ITFG1: variants seen among roughly 807,000 people sequenced by gnomAD.
ITFG1 encodes integrin alpha FG-GAP repeat containing 1, also known as T-cell immunomodulatory protein.
A neutral mutation model predicts 81.8 loss-of-function variants in ITFG1; 34 were observed. The observed-to-expected ratio is 0.42, with a 90% CI of 0.32 to 0.55. The LOEUF (loss-of-function observed/expected upper bound fraction) is 0.55, where lower values mean the gene tolerates loss of function less well. Ranked by LOEUF, ITFG1 falls within the 20% of genes least tolerant of loss-of-function variation. The probability of loss-of-function intolerance (pLI) is 0.17; values close to 1 mark genes in which losing one functional copy is unlikely to be tolerated. For missense variants in ITFG1, 672 were observed against 755.4 expected (o/e 0.89, Z 1.29); for synonymous variants, 285 against 270.6 (o/e 1.05, Z -0.52).
At chr16:47,188,783 A>T (rs1026777633) in intron 14 of ITFG1, among the ~76,000 whole-genome samples, 2 of 151,816 alleles carry the variant, frequency 1.3e-5, no homozygotes, top group Non-Finnish European at 2.9e-5. Flanking sequence ...GAAAAAAAAA[A>T]TACAAAAAAA....
intron 7 of ITFG1, among the ~76,000 whole-genome samples, chr16:47,367,574 T>G (rs765928522): frequency 5.3e-5 from 8 of 152,204 alleles, no homozygotes; most frequent in Non-Finnish European, 8.8e-5. Flanking sequence ...AAATTTGTAT[T>G]TCATATTATC....
At chr16:47,307,806 T>G (rs1967193968) in intron 10 of ITFG1, among the ~76,000 whole-genome samples, 1 of 152,128 alleles carries the variant, frequency 6.6e-6, no homozygotes, top group Non-Finnish European at 1.5e-5. Flanking sequence ...CTCTCTTCCC[T>G]CTCTAGTAGT....
At chr16:47,441,261 C>T (rs1246469572) in intron 5 of ITFG1, among the ~76,000 whole-genome samples, 3 of 152,188 alleles carry the variant, frequency 2.0e-5, no homozygotes, top group African/African-American at 7.2e-5. Flanking sequence ...CAAGGAGGAG[C>T]TGGTAACATT....
intron 12 of ITFG1, among the ~76,000 whole-genome samples, chr16:47,252,000 T>C (rs1966082164): frequency 6.6e-6 from 1 of 152,208 alleles, no homozygotes; most frequent in Non-Finnish European, 1.5e-5. Flanking sequence ...TATAAAATTC[T>C]GTAATAGCGA....
intron 8 of ITFG1, among the ~76,000 whole-genome samples, chr16:47,351,961 G>A (rs1239022065): frequency 2.6e-5 from 4 of 152,126 alleles, no homozygotes; most frequent in Non-Finnish European, 5.9e-5. Flanking sequence ...AATGGGGAAA[G>A]GATTCCGTAT....
At chr16:47,350,100 C>A (rs1379907411) in intron 8 of ITFG1, among the ~76,000 whole-genome samples, 1 of 152,104 alleles carries the variant, frequency 6.6e-6, no homozygotes, top group Non-Finnish European at 1.5e-5. Context: ...TAAATGCCCA[C>A]AAGAGAAAGA....
chr16:47,193,452 C>T (rs1965317329), intron 14 of ITFG1, among the ~76,000 whole-genome samples: 1 of 152,010 alleles, frequency 6.6e-6, no homozygotes, highest in Non-Finnish European at 1.5e-5. Context: ...TAAAATATAG[C>T]ACTTTGGGAG....
chr16:47,436,769 T>C (rs1335957864), intron 5 of ITFG1, among the ~76,000 whole-genome samples: 1 of 152,212 alleles, frequency 6.6e-6, no homozygotes, highest in Non-Finnish European at 1.5e-5. Context: ...TTAGGTCTTC[T>C]TCCTTTAAGC....
chr16:47,291,525 C>A (rs1311094467), intron 10 of ITFG1, among the ~76,000 whole-genome samples: 1 of 152,096 alleles, frequency 6.6e-6, no homozygotes, highest in African/African-American at 2.4e-5. Context: ...TTTCATTAAC[C>A]AGATTTTCTA....
At chr16:47,177,080 C>A (rs1425460798) in intron 14 of ITFG1, among the ~76,000 whole-genome samples, 1 of 151,964 alleles carries the variant, frequency 6.6e-6, no homozygotes, top group Non-Finnish European at 1.5e-5. Context: ...TGGCCTCATC[C>A]TCCAGAGTAG....
intron 10 of ITFG1, among the ~76,000 whole-genome samples, chr16:47,265,033 T>G (rs1388449377): frequency 6.6e-6 from 1 of 152,088 alleles, no homozygotes; most frequent in Non-Finnish European, 1.5e-5. Context: ...TTCTAAGGAT[T>G]GAATGAGAAA....
chr16:47,293,040 T>C (rs1966928696), intron 10 of ITFG1, among the ~76,000 whole-genome samples: 1 of 148,730 alleles, frequency 6.7e-6, no homozygotes, highest in Non-Finnish European at 1.5e-5. Context: ...ATATATATGA[T>C]ATATATATCA....
intron 5 of ITFG1, among the ~76,000 whole-genome samples, chr16:47,431,565 G>C (rs1596979750): frequency 6.6e-6 from 1 of 152,254 alleles, no homozygotes; most frequent in East Asian, 1.9e-4. Flanking sequence ...GTGGGTACAG[G>C]GTTCCCTTTG....
chr16:47,419,616 T>C (rs1257707102), intron 6 of ITFG1, among the ~76,000 whole-genome samples: 3 of 143,990 alleles, frequency 2.1e-5, no homozygotes, highest in Non-Finnish European at 4.5e-5. Context: ...TTTTTTTTTT[T>C]TTTTTTTTGA....
chr16:47,242,517 A>AAATCAATT (rs1965946572), intron 12 of ITFG1, among the ~76,000 whole-genome samples: 1 of 152,190 alleles, frequency 6.6e-6, no homozygotes, highest in Admixed American at 6.6e-5. Flanking sequence ...ATTAGAAAAT[A>AAATCAATT]AGAAAGGACA....
chr16:47,299,953 G>A (rs1233099972), intron 10 of ITFG1: 1 of 152,280 alleles, frequency 6.6e-6, no homozygotes, highest in East Asian at 1.9e-4. Context: ...TAAAAGGTAG[G>A]ATAAAGAGTG....
At chr16:47,227,820 T>A (rs1275673634) in intron 13 of ITFG1, among the ~76,000 whole-genome samples, 8 of 152,202 alleles carry the variant, frequency 5.3e-5, no homozygotes, top group Admixed American at 5.2e-4. Context: ...TTCATGATTC[T>A]AAAATATTAG....
chr16:47,160,068 G>A (rs1810607864), intron 16 of ITFG1, among the ~76,000 whole-genome samples: 1 of 151,206 alleles, frequency 6.6e-6, no homozygotes, highest in South Asian at 2.1e-4. Context: ...CTGTTAATTA[G>A]TTGAAAGCTA....
intron 14 of ITFG1, among the ~76,000 whole-genome samples, chr16:47,198,292 C>T (rs1965382554): frequency 6.6e-6 from 1 of 152,066 alleles, no homozygotes; most frequent in South Asian, 2.1e-4. Context: ...AACAATGGAC[C>T]ACATAAAAGA....
Sources: gnomAD v4.1 joint callset for allele counts (sites outside exome capture counted in the v4.1 genomes callset) on GRCh38, gnomAD v4.1.1 for gene constraint, MANE v1.5 for transcripts, NCBI Gene and HGNC (gene_info 2026-07-23, HGNC 2026-07-21) for gene names.